LDLRAD3: variants seen among roughly 807,000 people sequenced by gnomAD.
The protein encoded by LDLRAD3 is low-density lipoprotein receptor class A domain-containing protein 3.
A neutral mutation model predicts 29.4 loss-of-function variants in LDLRAD3; 20 were observed. That is an observed-to-expected ratio of 0.68 (90% CI 0.48 to 0.99). The LOEUF (loss-of-function observed/expected upper bound fraction) is 0.99, where lower values mean the gene tolerates loss of function less well. Ranked by LOEUF, LDLRAD3 falls within the 50% of genes least tolerant of loss-of-function variation. The pLI is 0.00. For synonymous variants in LDLRAD3, 157 were observed against 192.7 expected (o/e 0.81, Z 1.53); for missense variants, 420 against 454.3 (o/e 0.92, Z 0.69).
At chr11:36,186,109 C>T (rs1018221857) in intron 4 of LDLRAD3, among the ~76,000 whole-genome samples, 2 of 152,170 alleles carry the variant, frequency 1.3e-5, no homozygotes, top group African/African-American at 4.8e-5. Flanking sequence ...CCTGGAGTCA[C>T]CAACTGCCTG....
Position 36,151,451 on chromosome 11 carries a change from G to A in LDLRAD3, c.454+52990G>A, listed in dbSNP as rs145245460. On this transcript the variant is annotated intron_variant, in intron 4 of 5. Coordinates refer to ENST00000315571, the MANE Select transcript of LDLRAD3 (RefSeq NM_174902.4). ...GCCCTAACAGTTGGACTCTGTTACC[G>A]CCATTTTACGAAGAAGGAAACTAAG... Among the ~76,000 whole-genome samples the A allele has an allele frequency of 4.4e-4, 67 of 152,162 alleles. 1 individual carries two copies. In the East Asian group the frequency reaches 0.012, roughly 26 times the overall value.
chr11:36,031,816 G>C (rs1393404499), intron 1 of LDLRAD3, among the ~76,000 whole-genome samples: 1 of 152,234 alleles, frequency 6.6e-6, no homozygotes, highest in Non-Finnish European at 1.5e-5. Context: ...TCGGGCTGCT[G>C]TGAGGTTGGT....
intron 4 of LDLRAD3, among the ~76,000 whole-genome samples, chr11:36,103,141 T>G (rs576698517): frequency 1.3e-5 from 2 of 151,594 alleles, no homozygotes; most frequent in Admixed American, 1.3e-4. Context: ...CTATTCTCCT[T>G]CCCCCCAGGC....
At chr11:36,140,379 T>A (rs1854063871) in intron 4 of LDLRAD3, among the ~76,000 whole-genome samples, 1 of 152,194 alleles carries the variant, frequency 6.6e-6, no homozygotes, top group South Asian at 2.1e-4. Context: ...TAACAAACCA[T>A]CTAAATGCCT....
At chr11:36,150,071 C>A (rs1413024731) in intron 4 of LDLRAD3, among the ~76,000 whole-genome samples, 3 of 152,140 alleles carry the variant, frequency 2.0e-5, no homozygotes, top group African/African-American at 7.2e-5. Context: ...GAACTATCCA[C>A]CAGGCTGCAG....
intron 4 of LDLRAD3, among the ~76,000 whole-genome samples, chr11:36,165,730 C>G (rs1389656703): frequency 1.3e-5 from 2 of 151,594 alleles, no homozygotes; most frequent in East Asian, 3.9e-4. Flanking sequence ...AAACTTCTCA[C>G]CTCCCCCTCC....
intron 2 of LDLRAD3, among the ~76,000 whole-genome samples, chr11:36,075,643 A>C (rs1398418001): frequency 1.3e-5 from 2 of 152,182 alleles, no homozygotes. Flanking sequence ...CAGTTATTAC[A>C]ATAGTGTCTG....
intron 4 of LDLRAD3, among the ~76,000 whole-genome samples, chr11:36,103,143 C>T (rs1440131204): frequency 1.3e-5 from 2 of 152,042 alleles, no homozygotes; most frequent in African/African-American, 2.4e-5. Flanking sequence ...ATTCTCCTTC[C>T]CCCCAGGCCC....
intron 1 of LDLRAD3, among the ~76,000 whole-genome samples, chr11:35,945,582 G>A (rs950353339): frequency 1.3e-5 from 2 of 152,208 alleles, no homozygotes; most frequent in Non-Finnish European, 2.9e-5. Context: ...GAATTGTTTG[G>A]AGGCTGTTAG....
chr11:36,072,691 G>T (rs1052177471), intron 2 of LDLRAD3, among the ~76,000 whole-genome samples: 22 of 152,232 alleles, frequency 1.4e-4, no homozygotes, highest in Admixed American at 6.5e-4. Context: ...GTGACTTTGG[G>T]CAAGTCCAGT....
intron 1 of LDLRAD3, among the ~76,000 whole-genome samples, chr11:35,947,741 C>G (rs929058559): frequency 6.6e-6 from 1 of 152,194 alleles, no homozygotes; most frequent in African/African-American, 2.4e-5. Context: ...AGCCTAGATT[C>G]TAACTTAAGC....
intron 4 of LDLRAD3, among the ~76,000 whole-genome samples, chr11:36,208,302 A>G (rs991134397): frequency 2.0e-5 from 3 of 152,332 alleles, no homozygotes; most frequent in South Asian, 2.1e-4. Flanking sequence ...TGAATCATCT[A>G]TAAAGAACAG....
Position 36,004,955 on chromosome 11 carries a change from A to C in LDLRAD3, c.47-31148A>C, listed in dbSNP as rs550557485. Among the ~76,000 whole-genome samples the C allele has an allele frequency of 2.6e-5, 4 of 152,316 alleles. No individual in the cohort carries two copies. The East Asian group carries it at 7.7e-4, about 29-fold the overall frequency. ...AGGGCACCATGTCCCAAGGCTGCAG[A>C]GAGCAACTGGGTCCTGGGCCCTGCT... On this transcript the variant is annotated intron_variant, in intron 1 of 5. Transcript: ENST00000315571.
intron 1 of LDLRAD3, among the ~76,000 whole-genome samples, chr11:36,016,516 T>C (rs911953742): frequency 1.2e-4 from 18 of 152,248 alleles, no homozygotes; most frequent in African/African-American, 4.3e-4. Context: ...TCTGTGTGTA[T>C]GTATTTTTAC....
At chr11:36,205,382 A>T (rs1002357576) in intron 4 of LDLRAD3, among the ~76,000 whole-genome samples, 3 of 152,164 alleles carry the variant, frequency 2.0e-5, no homozygotes, top group Non-Finnish European at 4.4e-5. Context: ...TAGGACAGTC[A>T]CCGGCTTCAC....
intron 2 of LDLRAD3, among the ~76,000 whole-genome samples, chr11:36,039,908 A>G (rs148401662): frequency 1.1e-3 from 168 of 152,378 alleles, no homozygotes; most frequent in African/African-American, 3.5e-3. Context: ...CAGGGTGGAC[A>G]GGGCTGAGGT....
intron 1 of LDLRAD3, among the ~76,000 whole-genome samples, chr11:35,949,710 G>A (rs947039813): frequency 2.0e-5 from 3 of 151,862 alleles, no homozygotes; most frequent in African/African-American, 7.3e-5. Flanking sequence ...GTTTTGCTTT[G>A]CTCTGTTCCA....
At chr11:35,993,661 C>CAA (rs59468652) in intron 1 of LDLRAD3, among the ~76,000 whole-genome samples, 662 of 61,686 alleles carry the variant, frequency 0.011, 4 homozygotes, top group African/African-American at 0.029. Flanking sequence ...GCCAGAGATA[C>CAA]AAAAAAAAAA....
At chr11:36,168,240 A>C (rs1392267504) in intron 4 of LDLRAD3, among the ~76,000 whole-genome samples, 1 of 152,228 alleles carries the variant, frequency 6.6e-6, no homozygotes, top group African/African-American at 2.4e-5. Context: ...CATAAAGCTA[A>C]GATTGCTTTA....
Sources: gnomAD v4.1 joint callset for allele counts (sites outside exome capture counted in the v4.1 genomes callset) on GRCh38, gnomAD v4.1.1 for gene constraint, MANE v1.5 for transcripts, NCBI Gene and HGNC (gene_info 2026-07-23, HGNC 2026-07-21) for gene names.